The following ZNF713 variants were observed in gnomAD, a reference collection of about 807,000 sequenced individuals.
ZNF713 encodes zinc finger protein 713.
In ZNF713, 21 loss-of-function variants were observed where a neutral mutation model predicts 28.7. The observed-to-expected ratio is 0.73, with a 90% CI of 0.52 to 1.05. The LOEUF is 1.05. Among genes scored for constraint, ZNF713 ranks in the 50% least tolerant of loss-of-function variants. The pLI, the probability that ZNF713 is intolerant of heterozygous loss-of-function variation, is 0.00. For missense variants in ZNF713, 458 were observed against 532.4 expected (o/e 0.86, Z 1.37); for synonymous variants, 167 against 178.0 (o/e 0.94, Z 0.49).
chr7:55,901,641 C>T (rs1332628220), intron 1 of ZNF713, among the ~76,000 whole-genome samples: 1 of 152,206 alleles, frequency 6.6e-6, no homozygotes, highest in Non-Finnish European at 1.5e-5. Context: ...TGAACACATA[C>T]AGGTGCTGGA....
chr7:55,890,172 C>G (rs113736613), intron 1 of ZNF713, among the ~76,000 whole-genome samples: 6,207 of 152,120 alleles, frequency 0.041, 156 homozygotes, highest in Admixed American at 0.059. Flanking sequence ...ATTACAGGCC[C>G]GGCGCAGTGG....
chr7:55,903,709 G>A (rs1399393489), intron 1 of ZNF713, among the ~76,000 whole-genome samples: 1 of 149,706 alleles, frequency 6.7e-6, no homozygotes, highest in Non-Finnish European at 1.5e-5. Context: ...AAAGGAAGAT[G>A]TAAATGAGCA....
intron 6 of ZNF713, 88 bp from the exon 7 acceptor site, chr7:55,938,894 G>T (rs2116276807): frequency 7.4e-7 from 1 of 1,356,366 alleles, no homozygotes; most frequent in Non-Finnish European, 1.0e-6. Context: ...AGTTTTATTT[G>T]GTAATTCGCT....
rs1786041804 is a variant in ZNF713 at position 55,923,700 on chromosome 7, G to GC, written c.307+1_307+2insC. 2 of 1,609,904 alleles carry GC rather than the reference G, an allele frequency of 1.2e-6. No homozygotes were observed. The highest frequency in any genetic ancestry group is 1.3e-5 in the African/African-American group (1 of 74,858). On this transcript the variant is annotated splice_donor_variant, in intron 6 of 6. Coordinates refer to ENST00000429591, the MANE Select transcript of ZNF713 (RefSeq NM_182633.3). LOFTEE classifies it high-confidence loss of function. ...GACAGCCTGCTGGATACTCATCCAG[G>GC]TAAGTGCACACTCTTGGGCACTGCT...
intron 6 of ZNF713, among the ~76,000 whole-genome samples, chr7:55,938,206 C>T (rs1370896492): frequency 1.3e-5 from 2 of 151,882 alleles, no homozygotes; most frequent in African/African-American, 4.8e-5. Context: ...AGCGAGACTC[C>T]ATCTCAAAAA....
Position 55,918,091 on chromosome 7 carries a change from G to A in ZNF713, c.88-5071G>A, listed in dbSNP as rs1302176333. ...TTGGATCTCGGCAAGGCTGTGACTG[G>A]AGGATGCAAAGCTTTGTGACTTTCA... is the stretch of plus-strand genomic sequence containing the variant. On this transcript the variant is annotated intron_variant, in intron 4 of 6. Transcript: ENST00000429591. 8.8e-6 allele frequency: 4 copies of A among 456,596 alleles called. No homozygotes were observed. In the Admixed American group the frequency reaches 9.4e-5, roughly 11 times the overall value. 28.3% of individuals were successfully genotyped at this position (456,596 alleles called of 1,614,324 possible). A position where few individuals can be genotyped will look rare whatever the true frequency, so the allele number is the denominator to read the frequency against.
rs190484492 is a variant in ZNF713 at position 55,892,660 on chromosome 7, G to A, written c.-583+4980G>A. On this transcript the variant is annotated intron_variant, in intron 1 of 6. Transcript: ENST00000429591. ...GACCAAGGCGATTGGATCACATGAGGTCGGGAGTTTGAGACCAGCCTGACC... is the reference window on the plus strand; with the variant it reads ...GACCAAGGCGATTGGATCACATGAGATCGGGAGTTTGAGACCAGCCTGACC... 6.0e-5 allele frequency among the ~76,000 whole-genome samples: 9 copies of A among 151,244 alleles called. No individual in the cohort carries two copies. In the East Asian group the frequency reaches 1.8e-3, roughly 30 times the overall value.
intron 6 of ZNF713, among the ~76,000 whole-genome samples, chr7:55,932,893 A>C (rs1786267726): frequency 7.0e-6 from 1 of 143,554 alleles, no homozygotes; most frequent in Non-Finnish European, 1.5e-5. Flanking sequence ...TCCGTCTCAA[A>C]AAAAAAAAAA....
intron 1 of ZNF713, among the ~76,000 whole-genome samples, chr7:55,903,792 G>C (rs1444219733): frequency 1.3e-5 from 2 of 152,068 alleles, no homozygotes; most frequent in African/African-American, 4.8e-5. Context: ...GGGGTGGATG[G>C]AGGGCACATG....
intron 1 of ZNF713, among the ~76,000 whole-genome samples, chr7:55,899,594 C>T (rs1298357489): frequency 6.6e-6 from 1 of 151,616 alleles, no homozygotes; most frequent in Non-Finnish European, 1.5e-5. Flanking sequence ...AATGCTTGAA[C>T]CCAGGAGGCA....
chr7:55,923,188 C>G lies in ZNF713; in HGVS notation c.114C>G (p.Ala38=). The G allele has an allele frequency of 6.2e-7, 1 of 1,612,946 alleles. No individual in the cohort carries two copies. Among genetic ancestry groups the G allele is most frequent in the Non-Finnish European group, 8.5e-7 (1 of 1,179,564 alleles). Residue 38 remains alanine (A), a synonymous_variant, in exon 5 of 7, where the codon GCC becomes GCG. Transcript: ENST00000429591. ...AATCACTGACGTTTCAGGATGTGGC[C>G]GTGGACTTCACCAGAGAGGAGTGGG... ...SQESLTFQDV[A]VDFTREEWDQ... is the part of the protein sequence containing the mutation.
chr7:55,938,686 T>C (rs762973575), intron 6 of ZNF713, among the ~76,000 whole-genome samples: 1 of 152,206 alleles, frequency 6.6e-6, no homozygotes, highest in Non-Finnish European at 1.5e-5. Flanking sequence ...GACTTTTCCC[T>C]GATATGTCTT....
At chr7:55,896,638 A>G (rs1255867307) in intron 1 of ZNF713, among the ~76,000 whole-genome samples, 1 of 151,328 alleles carries the variant, frequency 6.6e-6, no homozygotes, top group Non-Finnish European at 1.5e-5. Context: ...CACATAATTG[A>G]TGTGTGTATA....
Position 55,919,506 on chromosome 7 carries a change from T to TTTTGTTTTTTTTTTG in ZNF713, c.88-3653_88-3652insGTTTTTTTTTTGTTT, listed in dbSNP as rs1785949019. On this transcript the variant is annotated intron_variant, in intron 4 of 6. Transcript: ENST00000429591. Reference sequence around the variant, plus strand: ...AACACTCCAGTTTTTTTTTTTTTTTTTTTTTTTTTTTTTTTTTGAGATGAA... The same window carrying TTTTGTTTTTTTTTTG: ...AACACTCCAGTTTTTTTTTTTTTTTTTTTGTTTTTTTTTTGTTTTTTTTTTTTTTTTTGAGATGAA... Among the ~76,000 whole-genome samples the TTTTGTTTTTTTTTTG allele has an allele frequency of 5.9e-4, 37 of 63,126 alleles. 2 individuals are homozygous for TTTTGTTTTTTTTTTG. Among genetic ancestry groups the TTTTGTTTTTTTTTTG allele is most frequent in the South Asian group, 1.6e-3 (2 of 1,282 alleles). The allele number at this position is 63,126 out of a possible 152,430, so 41.4% of individuals were successfully genotyped here.
intron 1 of ZNF713, among the ~76,000 whole-genome samples, chr7:55,892,070 G>A (rs1342454610): frequency 6.6e-6 from 1 of 151,928 alleles, no homozygotes; most frequent in African/African-American, 2.4e-5. Flanking sequence ...ACGAGGTCAG[G>A]AGATCGAGAC....
chr7:55,919,490 G>GTTTTTTTTTTTTTTTTTTTTTTTT lies in ZNF713; in HGVS notation c.88-3662_88-3639dup, dbSNP rs55656709. 6.9e-4 allele frequency among the ~76,000 whole-genome samples: 46 copies of GTTTTTTTTTTTTTTTTTTTTTTTT among 66,758 alleles called. 3 individuals carry two copies. Among genetic ancestry groups the GTTTTTTTTTTTTTTTTTTTTTTTT allele is most frequent in the Non-Finnish European group, 9.9e-4 (32 of 32,216 alleles). 43.8% of individuals were successfully genotyped at this position (66,758 alleles called of 152,430 possible). A position where few individuals can be genotyped will look rare whatever the true frequency, so the allele number is the denominator to read the frequency against. The stretch of plus-strand genomic sequence containing the variant: ...GCTGGATAAATTGGTAAACACTCCA[G>GTTTTTTTTTTTTTTTTTTTTTTTT]TTTTTTTTTTTTTTTTTTTTTTTTT... On this transcript the variant is annotated intron_variant, in intron 4 of 6. Transcript: ENST00000429591.
chr7:55,887,899 C>CGGGAGGCGGCGGGT (rs1785305866), intron 1 of ZNF713, among the ~76,000 whole-genome samples: 1 of 128,666 alleles, frequency 7.8e-6, no homozygotes, highest in Non-Finnish European at 1.6e-5. Flanking sequence ...GCGGCGGCGG[C>CGGGAGGCGGCGGGT]GGCGGGAGGC....
intron 6 of ZNF713, among the ~76,000 whole-genome samples, chr7:55,927,904 A>AAAAAAAAC: frequency 6.8e-6 from 1 of 147,882 alleles, no homozygotes; most frequent in Non-Finnish European, 1.5e-5. Flanking sequence ...CTCAAAAAAA[A>AAAAAAAAC]AAAAAAAAAA....
chr7:55,908,594 TG>T (rs200125511), intron 2 of ZNF713, among the ~76,000 whole-genome samples: 1 of 151,750 alleles, frequency 6.6e-6, no homozygotes, highest in African/African-American at 2.4e-5. Flanking sequence ...CACTTTTTGA[TG>T]GGTTTTTTTT....
Sources: gnomAD v4.1 joint callset for allele counts (sites outside exome capture counted in the v4.1 genomes callset) on GRCh38, gnomAD v4.1.1 for gene constraint, MANE v1.5 for transcripts, NCBI Gene and HGNC (gene_info 2026-07-23, HGNC 2026-07-21) for gene names.